HERC4: variants seen among roughly 807,000 people sequenced by gnomAD.
HERC4 encodes probable E3 ubiquitin-protein ligase HERC4.
A neutral mutation model predicts 124.3 loss-of-function variants in HERC4; 28 were observed. The ratio of observed to expected loss-of-function variants is 0.23; its 90% confidence interval spans 0.17 to 0.31. HERC4 has a LOEUF of 0.31. Among genes scored for constraint, HERC4 ranks in the 10% least tolerant of loss-of-function variants. The probability of loss-of-function intolerance (pLI) is 1.00; values close to 1 mark genes in which losing one functional copy is unlikely to be tolerated. For missense variants in HERC4, 713 were observed against 1,229.3 expected (o/e 0.58, Z 6.28); for synonymous variants, 407 against 421.5 (o/e 0.97, Z 0.42).
intron 4 of HERC4, among the ~76,000 whole-genome samples, chr10:68,042,683 A>T (rs1430095198): frequency 6.6e-6 from 1 of 152,220 alleles, no homozygotes; most frequent in Non-Finnish European, 1.5e-5. Flanking sequence ...TATAGATACT[A>T]TATGTAAAAT....
At position 68,046,697 on chromosome 10, in the gene HERC4, T is replaced by G. The variant is rs12571730; in HGVS notation, c.227-2134A>C. 0.016 allele frequency among the ~76,000 whole-genome samples: 2,374 copies of G among 152,276 alleles called. 124 individuals carry two copies. In the East Asian group the frequency reaches 0.16, roughly 10 times the overall value. On this transcript the variant is annotated intron_variant, in intron 3 of 24. Coordinates refer to ENST00000373700, the MANE Select transcript of HERC4 (RefSeq NM_015601.4). ...ATCTTAAAAGATAGTCCAGGCGAGG[T>G]AGCTCACATCTATAATCCCAGCACT...
chr10:68,059,207 A>G (rs1026907855), intron 3 of HERC4, among the ~76,000 whole-genome samples: 16 of 151,720 alleles, frequency 1.1e-4, no homozygotes, highest in South Asian at 2.1e-4. Flanking sequence ...ACTTGAGTAT[A>G]TATTTGTCTA....
rs146198003 is a variant in HERC4 at position 67,992,319 on chromosome 10, C to T, written c.1151G>A (p.Cys384Tyr). ...ACATCTGAAGTCATCTGGTGGCCCACAGTTCTAAATTTTCAAATAAGATTA... is the reference window on the plus strand; with the variant it reads ...ACATCTGAAGTCATCTGGTGGCCCATAGTTCTAAATTTTCAAATAAGATTA... ...SFSHYSSPQN[C>Y]GPPDDFRCPN... Residue 384 changes from cysteine (C) to tyrosine (Y), a missense_variant, in exon 11 of 25, where the codon TGT (cysteine) becomes TAT (tyrosine). Physicochemically the swap from Cys to Tyr is radical, Grantham distance 194 (BLOSUM62 -2). Transcript: ENST00000373700. 4.0e-4 allele frequency: 639 copies of T among 1,613,454 alleles called. No homozygotes were observed. Among genetic ancestry groups the T allele is most frequent in the Non-Finnish European group, 5.2e-4 (609 of 1,179,568 alleles).
intron 9 of HERC4, among the ~76,000 whole-genome samples, chr10:68,007,263 C>A (rs562299444): frequency 3.0e-4 from 46 of 152,200 alleles, no homozygotes; most frequent in Middle Eastern, 3.4e-3. Flanking sequence ...GATGCATTCT[C>A]CAGGTTGTCA....
At chr10:67,998,122 C>T (rs1054102224) in intron 9 of HERC4, among the ~76,000 whole-genome samples, 1 of 151,898 alleles carries the variant, frequency 6.6e-6, no homozygotes, top group Admixed American at 6.6e-5. Flanking sequence ...TGGTCTTGAT[C>T]TCTTGACCTT....
At chr10:67,998,106 C>A (rs999945943) in intron 9 of HERC4, among the ~76,000 whole-genome samples, 18 of 151,748 alleles carry the variant, frequency 1.2e-4, no homozygotes, top group Non-Finnish European at 2.2e-4. Flanking sequence ...ACCATGTTGG[C>A]CAGGATGGTC....
At chr10:68,032,717 A>T in intron 7 of HERC4, 61 bp downstream of exon 7, 1 of 830,662 alleles carries the variant, frequency 1.2e-6, no homozygotes, top group Non-Finnish European at 2.0e-6. Flanking sequence ...CCATGAGAAC[A>T]TTCATTAATT....
intron 15 of HERC4, among the ~76,000 whole-genome samples, chr10:67,985,426 A>T (rs139640103): frequency 9.8e-5 from 15 of 152,370 alleles, no homozygotes; most frequent in African/African-American, 3.6e-4. Context: ...TAAAACCTAT[A>T]TAAGTTTGAT....
At chr10:68,002,551 C>T (rs1373056195) in intron 9 of HERC4, among the ~76,000 whole-genome samples, 3 of 150,338 alleles carry the variant, frequency 2.0e-5, no homozygotes, top group African/African-American at 7.3e-5. Context: ...GCTAAAGCTG[C>T]ATGGATATAA....
At position 68,000,576 on chromosome 10, in the gene HERC4, C is replaced by CAA. The variant is rs34603437; in HGVS notation, c.1070-7896_1070-7895dup. Among the ~76,000 whole-genome samples the CAA allele has an allele frequency of 3.5e-3, 478 of 138,092 alleles. 2 individuals are homozygous for CAA. Among genetic ancestry groups the CAA allele is most frequent in the South Asian group, 9.8e-3 (42 of 4,292 alleles). The allele number at this position is 138,092 out of a possible 152,430, so 90.6% of individuals were successfully genotyped here. ...CCTAGGCGACAGAGCCAGACTGTCTCAAAAAAAAAAAAAAATTGTGTGTTG... is the reference window on the plus strand; with the variant it reads ...CCTAGGCGACAGAGCCAGACTGTCTCAAAAAAAAAAAAAAAAATTGTGTGTTG... On this transcript the variant is annotated intron_variant, in intron 9 of 24. Coordinates refer to ENST00000373700, the MANE Select transcript of HERC4 (RefSeq NM_015601.4).
chr10:68,060,505 C>T (rs1056570279), intron 3 of HERC4, among the ~76,000 whole-genome samples: 1 of 152,108 alleles, frequency 6.6e-6, no homozygotes, highest in Non-Finnish European at 1.5e-5. Flanking sequence ...TCCCAAAGTT[C>T]TGGGAATACA....
At chr10:67,963,419 A>G (rs1219769680) in intron 16 of HERC4, among the ~76,000 whole-genome samples, 3 of 152,024 alleles carry the variant, frequency 2.0e-5, no homozygotes, top group Non-Finnish European at 4.4e-5. Context: ...GTTTCGCCAT[A>G]TTGGCCAGAC....
intron 19 of HERC4, among the ~76,000 whole-genome samples, chr10:67,942,840 C>A (rs1417985259): frequency 6.6e-6 from 1 of 152,136 alleles, no homozygotes. Flanking sequence ...CATTTGCAGT[C>A]CAGGAAAATG....
intron 16 of HERC4, among the ~76,000 whole-genome samples, chr10:67,962,015 A>G (rs1467415559): frequency 6.6e-6 from 1 of 152,170 alleles, no homozygotes; most frequent in Admixed American, 6.5e-5. Context: ...AACATCTGAA[A>G]TCCTTTTATA....
chr10:68,008,539 G>T (rs1373288590), intron 9 of HERC4, among the ~76,000 whole-genome samples: 1 of 152,044 alleles, frequency 6.6e-6, no homozygotes, highest in Non-Finnish European at 1.5e-5. Context: ...GACCGGTTGG[G>T]GATGTAATCA....
intron 4 of HERC4, chr10:68,040,332 CCCTTT>C (rs1443378180): frequency 1.0e-6 from 1 of 953,914 alleles, no homozygotes; most frequent in Admixed American, 6.2e-5. Context: ...AAAAACTATC[CCCTTT>C]CATCTTCATA....
intron 15 of HERC4, among the ~76,000 whole-genome samples, chr10:67,979,048 G>A (rs925195473): frequency 3.3e-5 from 5 of 152,010 alleles, no homozygotes; most frequent in Admixed American, 6.6e-5. Flanking sequence ...CAATAAATAC[G>A]TAACTCTAAC....
rs569975458 is a variant in HERC4 at position 68,064,887 on chromosome 10, G to A, written c.226+7996C>T. Among the ~76,000 whole-genome samples, 31 of 151,458 alleles carry A rather than the reference G, an allele frequency of 2.0e-4. 1 individual carries two copies. Among genetic ancestry groups the A allele is most frequent in the East Asian group, 7.8e-4 (4 of 5,154 alleles). The stretch of plus-strand genomic sequence containing the variant: ...CTCAGGAGGCTGAGACAGGAGAATC[G>A]CTTGAATCCAGGAGGCAGAGGCTAG... On this transcript the variant is annotated intron_variant, in intron 3 of 24. Transcript: ENST00000373700.
chr10:67,941,872 T>C (rs914883140), intron 19 of HERC4, among the ~76,000 whole-genome samples: 2 of 152,020 alleles, frequency 1.3e-5, no homozygotes, highest in African/African-American at 4.8e-5. Context: ...GTCAGGCTGA[T>C]CTCAAACTCC....
Sources: allele counts gnomAD v4.1 joint callset (sites outside exome capture counted in the v4.1 genomes callset), GRCh38; gene constraint gnomAD v4.1.1; transcripts MANE v1.5; gene names NCBI Gene and HGNC (gene_info 2026-07-23, HGNC 2026-07-21).